The following DHRS12 variants were observed in gnomAD, a reference collection of about 807,000 sequenced individuals.
The protein encoded by DHRS12 is dehydrogenase/reductase SDR family member 12.
A neutral mutation model predicts 32.1 loss-of-function variants in DHRS12; 29 were observed. That is an observed-to-expected ratio of 0.90 (90% CI 0.67 to 1.23). The LOEUF is 1.23. Among genes scored for constraint, DHRS12 ranks in the 50% most tolerant of loss-of-function variants. The probability of loss-of-function intolerance (pLI) is 0.00; values close to 1 mark genes in which losing one functional copy is unlikely to be tolerated. For missense variants in DHRS12, 330 were observed against 337.2 expected (o/e 0.98, Z 0.17); for synonymous variants, 150 against 135.9 (o/e 1.10, Z -0.72).
intron 1 of DHRS12, 170 bp downstream of exon 1, chr13:51,803,884 G>C: frequency 1.9e-6 from 1 of 521,954 alleles, no homozygotes. Flanking sequence ...ACTGCCCCAC[G>C]CCCAGCCGTG....
At chr13:51,798,199 A>G (rs1226429203) in intron 2 of DHRS12, among the ~76,000 whole-genome samples, 5 of 152,174 alleles carry the variant, frequency 3.3e-5, no homozygotes, top group African/African-American at 1.2e-4. Context: ...CCTAGCATCT[A>G]GCATAGTAGC....
At chr13:51,771,315 G>A in intron 7 of DHRS12, 3 of 1,579,548 alleles carry the variant, frequency 1.9e-6, no homozygotes, top group Non-Finnish European at 2.6e-6. Flanking sequence ...GAGTTGGTGA[G>A]GCCAATCCGG....
chr13:51,771,349 C>T (rs572112078), intron 7 of DHRS12: 24 of 1,610,602 alleles, frequency 1.5e-5, no homozygotes, highest in South Asian at 6.6e-5. Flanking sequence ...TCCCCTCCAC[C>T]GCTGCTCCAA....
At chr13:51,769,363 T>TAAA (rs11374211) in intron 7 of DHRS12, 70 bp from the exon 8 acceptor site, 131 of 1,013,356 alleles carry the variant, frequency 1.3e-4, no homozygotes, top group South Asian at 2.1e-4. Context: ...TCCCTTAATT[T>TAAA]AAAAAAAAAA....
At chr13:51,769,359 A>T in intron 7 of DHRS12, 66 bp from the exon 8 acceptor site, 1 of 1,222,476 alleles carries the variant, frequency 8.2e-7, no homozygotes, top group Non-Finnish European at 1.1e-6. Flanking sequence ...GACTTCCCTT[A>T]ATTTAAAAAA....
downstream of DHRS12, chr13:51,767,963 TTAAAA>T (rs1469391852): frequency 2.3e-5 from 31 of 1,351,490 alleles, no homozygotes; most frequent in South Asian, 5.5e-5. Flanking sequence ...TAAATGAGAC[TTAAAA>T]TAAGAAAAGA....
At chr13:51,803,045 T>G (rs1262011629) in intron 1 of DHRS12, among the ~76,000 whole-genome samples, 1 of 152,206 alleles carries the variant, frequency 6.6e-6, no homozygotes, top group African/African-American at 2.4e-5. Flanking sequence ...AGGCTGCCAC[T>G]GTATTCCCCT....
chr13:51,801,524 G>A (rs771874103), intron 1 of DHRS12, among the ~76,000 whole-genome samples: 25 of 152,112 alleles, frequency 1.6e-4, no homozygotes, highest in Non-Finnish European at 3.1e-4. Flanking sequence ...TGACAGTACC[G>A]TCCATGTTCA....
intron 4 of DHRS12, among the ~76,000 whole-genome samples, chr13:51,787,900 A>ACT (rs1955059917): frequency 7.7e-6 from 1 of 130,320 alleles, no homozygotes; most frequent in Non-Finnish European, 1.6e-5. Flanking sequence ...ATAAATATAT[A>ACT]TAAAAATATA....
At chr13:51,767,527 G>A (rs1403708012), downstream of DHRS12, 1 of 152,396 alleles carries the variant, frequency 6.6e-6, no homozygotes. Flanking sequence ...AATGTATGTA[G>A]ATGTATTCTA....
chr13:51,776,925 G>T, intron 5 of DHRS12, 135 bp downstream of exon 5: 1 of 955,112 alleles, frequency 1.0e-6, no homozygotes. Flanking sequence ...TCGGCCCCCT[G>T]ACAGAATTGA....
chr13:51,800,494 C>T (rs944892044), intron 1 of DHRS12, among the ~76,000 whole-genome samples: 3 of 152,238 alleles, frequency 2.0e-5, no homozygotes, highest in African/African-American at 7.2e-5. Context: ...GCAGACTCTG[C>T]CCACGCACAG....
chr13:51,756,560 TTCTGCTGGTTTAGAATATAG>T, the DHRS12 span: 1 of 1,473,032 alleles, frequency 6.8e-7, no homozygotes, highest in Non-Finnish European at 9.0e-7. Context: ...TTGCTCTAGT[TTCTGCTGGTTTAGAATATAG>T]TCCACGGCAA....
chr13:51,776,680 G>A (rs912808270), intron 5 of DHRS12, among the ~76,000 whole-genome samples: 2 of 152,138 alleles, frequency 1.3e-5, no homozygotes, highest in African/African-American at 2.4e-5. Context: ...ATTTCAACCC[G>A]CTGGGGGAGA....
At chr13:51,768,524 AC>A (rs1953856438) in intron 8 of DHRS12, 8 of 1,397,046 alleles carry the variant, frequency 5.7e-6, no homozygotes, top group Non-Finnish European at 7.4e-6. Flanking sequence ...TGGACGGGAG[AC>A]CACGTTTGGG....
At chr13:51,791,807 T>C (rs1042034785) in intron 2 of DHRS12, among the ~76,000 whole-genome samples, 6 of 152,228 alleles carry the variant, frequency 3.9e-5, no homozygotes, top group African/African-American at 1.2e-4. Flanking sequence ...TTTGGTTCTA[T>C]GAATTCTGAG....
At chr13:51,777,578 A>T (rs1010019188) in intron 4 of DHRS12, among the ~76,000 whole-genome samples, 1 of 152,236 alleles carries the variant, frequency 6.6e-6, no homozygotes, top group Admixed American at 6.5e-5. Context: ...TACAATGAGC[A>T]TATAACTTTA....
chr13:51,788,947 AAGAAG>A (rs1206784302), intron 4 of DHRS12, among the ~76,000 whole-genome samples: 1 of 152,014 alleles, frequency 6.6e-6, no homozygotes, highest in African/African-American at 2.4e-5. Flanking sequence ...CTTTCTGGGG[AAGAAG>A]AGAAGGGGAG....
At chr13:51,771,020 G>T in intron 7 of DHRS12, 2 of 1,424,276 alleles carry the variant, frequency 1.4e-6, no homozygotes, top group Non-Finnish European at 1.8e-6. Context: ...CCAGCAGTGT[G>T]TGAGAGCCTG....
Sources: allele counts gnomAD v4.1 joint callset (sites outside exome capture counted in the v4.1 genomes callset), GRCh38; gene constraint gnomAD v4.1.1; transcripts MANE v1.5; gene names NCBI Gene and HGNC (gene_info 2026-07-23, HGNC 2026-07-21).